Variants in DNA2 observed in about 807,000 individuals in gnomAD.
DNA2 encodes the protein DNA replication helicase/nuclease 2.
DNA2 carries 101 observed loss-of-function variants against 119.1 expected under a neutral mutation model. The ratio of observed to expected loss-of-function variants is 0.85; its 90% CI spans 0.72 to 1.00. DNA2 has a LOEUF of 1.00. Ranked by LOEUF, DNA2 falls within the 50% of genes least tolerant of loss-of-function variation. The pLI, the probability that DNA2 is intolerant of heterozygous loss-of-function variation, is 0.00. For missense variants in DNA2, 1,121 were observed against 1,255.5 expected (o/e 0.89, Z 1.62); for synonymous variants, 366 against 424.4 (o/e 0.86, Z 1.69).
At chr10:68,439,990 C>A (rs1463639097) in intron 9 of DNA2, among the ~76,000 whole-genome samples, 3 of 149,618 alleles carry the variant, frequency 2.0e-5, no homozygotes, top group Non-Finnish European at 3.0e-5. Context: ...GGCGACTGAG[C>A]AAGATTCCAT....
rs753622506 is a variant in DNA2 at position 68,414,796 on chromosome 10, TA to T, written c.*242del. 7.2e-5 allele frequency: 28 copies of T among 389,260 alleles called. No homozygotes were observed. The highest frequency in any genetic ancestry group is 1.2e-4 in the Non-Finnish European group (25 of 211,150). The allele number at this position is 389,260 out of a possible 1,614,324, so 24.1% of individuals were successfully genotyped here. A position where few individuals can be genotyped will look rare whatever the true frequency, so the allele number is the denominator to read the frequency against. On this transcript the variant is annotated 3_prime_UTR_variant, in exon 21 of 21. Coordinates refer to ENST00000358410, the MANE Select transcript of DNA2 (RefSeq NM_001080449.3). ...TCCTGAAATGTCTGACTTAAAAGTT[TA>T]AAGCTCAAAGTCAAAAGTTAATCCA... is the stretch of plus-strand genomic sequence containing the variant.
chr10:68,424,726 AG>A, intron 14 of DNA2: 1 of 1,576,990 alleles, frequency 6.3e-7, no homozygotes, highest in South Asian at 1.1e-5. Context: ...GACGAGGTCC[AG>A]GTAGTTCAAG....
intron 10 of DNA2, 151 bp downstream of exon 10, chr10:68,436,857 GTGA>G (rs1303164576): frequency 1.7e-6 from 1 of 601,730 alleles, no homozygotes; most frequent in Non-Finnish European, 2.8e-6. Context: ...TCTTTTTGGG[GTGA>G]TGAAAATACT....
intron 5 of DNA2, among the ~76,000 whole-genome samples, chr10:68,455,229 C>T (rs949659799): frequency 4.6e-5 from 7 of 151,984 alleles, no homozygotes; most frequent in African/African-American, 7.2e-5. Context: ...TTAGCCATCA[C>T]GCCAGGCCGA....
chr10:68,444,407 T>A (rs954612784), intron 8 of DNA2, among the ~76,000 whole-genome samples: 3 of 148,446 alleles, frequency 2.0e-5, no homozygotes, highest in African/African-American at 7.5e-5. Flanking sequence ...AATAAATAAA[T>A]AAAATACAAA....
intron 8 of DNA2, among the ~76,000 whole-genome samples, chr10:68,443,337 C>T (rs1460692688): frequency 4.6e-5 from 7 of 152,120 alleles, no homozygotes; most frequent in Admixed American, 1.3e-4. Context: ...GCGACTATCC[C>T]CCAAACAACT....
In DNA2 at chr10:68,471,874, G is replaced by T; in HGVS notation, c.-10C>A. 6.2e-7 allele frequency: 1 copy of T among 1,613,934 alleles called. No individual in the cohort carries two copies. Among genetic ancestry groups the T allele is most frequent in the Non-Finnish European group, 8.5e-7 (1 of 1,179,830 alleles). ...CGTTCAGCTGCTCCATCCTGGACGC[G>T]GGGATCGCAAACTGTAGACAGAAAA... On this transcript the variant is annotated 5_prime_UTR_variant, in exon 1 of 21. Transcript: ENST00000358410.
At chr10:68,467,783 C>T (rs1420399163) in intron 3 of DNA2, among the ~76,000 whole-genome samples, 1 of 152,152 alleles carries the variant, frequency 6.6e-6, no homozygotes, top group Non-Finnish European at 1.5e-5. Flanking sequence ...GTGGGAATCA[C>T]ATGAAGCCAA....
intron 7 of DNA2, 132 bp downstream of exon 7, chr10:68,446,164 A>C: frequency 5.6e-6 from 3 of 537,996 alleles, no homozygotes; most frequent in Middle Eastern, 4.2e-4. Context: ...AAACAACAAC[A>C]AAAAAAACCC....
intron 8 of DNA2, among the ~76,000 whole-genome samples, chr10:68,444,054 C>G (rs904088363): frequency 6.6e-6 from 1 of 152,098 alleles, no homozygotes; most frequent in Non-Finnish European, 1.5e-5. Flanking sequence ...GTCAGGAGTT[C>G]AAGACCAGCC....
chr10:68,440,349 G>C (rs1434868529), intron 9 of DNA2, among the ~76,000 whole-genome samples: 6 of 152,020 alleles, frequency 3.9e-5, no homozygotes, highest in Non-Finnish European at 7.4e-5. Flanking sequence ...CTAGGCTGGA[G>C]TATAGTGGCA....
chr10:68,442,489 C>T (rs1590061642), intron 9 of DNA2, among the ~76,000 whole-genome samples: 3 of 152,076 alleles, frequency 2.0e-5, no homozygotes, highest in Non-Finnish European at 4.4e-5. Context: ...CAGGTTCAAG[C>T]GATTCTCCTG....
intron 8 of DNA2, among the ~76,000 whole-genome samples, chr10:68,443,604 G>A (rs1365468585): frequency 1.3e-5 from 2 of 152,056 alleles, no homozygotes; most frequent in African/African-American, 2.4e-5. Flanking sequence ...GACTTCCTAC[G>A]GTTCACAGTC....
At chr10:68,469,375 TCTC>T (rs2052360926) in intron 2 of DNA2, among the ~76,000 whole-genome samples, 1 of 136,996 alleles carries the variant, frequency 7.3e-6, no homozygotes, top group Non-Finnish European at 1.5e-5. Flanking sequence ...TGAAACCCTG[TCTC>T]TACTAAAAAT....
In DNA2 at chr10:68,423,009, G is replaced by T. The variant is rs888924900; in HGVS notation, c.2209-119C>A. 4 of 650,670 alleles carry T rather than the reference G, an allele frequency of 6.1e-6. No individual in the cohort carries two copies. The South Asian group carries it at 1.1e-4, about 18-fold the overall frequency. 40.3% of individuals were successfully genotyped at this position (650,670 alleles called of 1,614,324 possible). A position where few individuals can be genotyped will look rare whatever the true frequency, so the allele number is the denominator to read the frequency against. ...TGTTCTATGGCATCAGGAATCCTTCGATATTATTTAATTCTGAAATATTTA... is the reference window on the plus strand; with the variant it reads ...TGTTCTATGGCATCAGGAATCCTTCTATATTATTTAATTCTGAAATATTTA... On this transcript the variant is annotated intron_variant, in intron 14 of 20. Transcript: ENST00000358410.
Position 68,415,050 on chromosome 10 carries a change from GA to G in DNA2, c.3171del (p.Gln1058LysfsTer48). On this transcript the variant is annotated frameshift_variant, in exon 21 of 21. Coordinates refer to ENST00000358410, the MANE Select transcript of DNA2 (RefSeq NM_001080449.3). LOFTEE classifies it high-confidence loss of function. ...HESLCHILGD[F>X]QRE ...AGGGAAATAGTGTTTTATTCTCTTT[GA>G]AAGTCACCCAATATGTGGCAAAGAC... 6.3e-7 allele frequency: 1 copy of G among 1,579,254 alleles called. No individual in the cohort carries two copies.
chr10:68,446,998 G>T (rs2052048381), intron 6 of DNA2, among the ~76,000 whole-genome samples: 1 of 152,224 alleles, frequency 6.6e-6, no homozygotes, highest in South Asian at 2.1e-4. Context: ...CACTAAAGGA[G>T]TATAACTGGG....
intron 9 of DNA2, among the ~76,000 whole-genome samples, chr10:68,442,510 C>T (rs1376730879): frequency 1.3e-5 from 2 of 152,068 alleles, no homozygotes; most frequent in African/African-American, 2.4e-5. Context: ...CCTCAGTCTC[C>T]CAAGTAGCTG....
At chr10:68,447,975 C>T (rs978629790) in intron 6 of DNA2, among the ~76,000 whole-genome samples, 4 of 81,436 alleles carry the variant, frequency 4.9e-5, no homozygotes, top group Non-Finnish European at 9.6e-5. Context: ...CAGTGAGACT[C>T]CGTCTCAAAA....
Sources: gnomAD v4.1 joint callset for allele counts (sites outside exome capture counted in the v4.1 genomes callset) on GRCh38, gnomAD v4.1.1 for gene constraint, MANE v1.5 for transcripts, NCBI Gene and HGNC (gene_info 2026-07-23, HGNC 2026-07-21) for gene names.